The following KCNB2 variants were observed in gnomAD, a reference collection of about 807,000 sequenced individuals.
KCNB2 encodes potassium voltage-gated channel subfamily B member 2, also known as delayed rectifier potassium channel protein.
KCNB2 carries 15 observed loss-of-function variants against 61.5 expected under a neutral mutation model. The observed-to-expected ratio is 0.24, with a 90% CI of 0.16 to 0.38. The LOEUF is 0.38. KCNB2 is among the 10% of genes least tolerant of loss of function. The pLI is 1.00. For missense variants in KCNB2, 828 were observed against 1,125.2 expected, an observed-to-expected ratio of 0.74 and a Z score of 3.78; for synonymous variants, 457 against 446.0, an observed-to-expected ratio of 1.02 and a Z score of -0.31.
chr8:72,646,383 T>C (rs1052950734), intron 2 of KCNB2, among the ~76,000 whole-genome samples: 2 of 152,122 alleles, frequency 1.3e-5, no homozygotes, highest in African/African-American at 4.8e-5. Context: ...GTGAATATAG[T>C]GATTGTCCCT....
intron 2 of KCNB2, among the ~76,000 whole-genome samples, chr8:72,836,855 A>T (rs756120156): frequency 2.0e-5 from 3 of 152,158 alleles, no homozygotes; most frequent in Non-Finnish European, 2.9e-5. Flanking sequence ...AACTGCAATG[A>T]GCCATGTTTG....
intron 2 of KCNB2, among the ~76,000 whole-genome samples, chr8:72,769,581 G>A (rs139487694): frequency 6.1e-4 from 93 of 152,298 alleles, no homozygotes; most frequent in African/African-American, 2.1e-3. Flanking sequence ...GGAATGGAGG[G>A]AAGCGACCCT....
chr8:72,613,188 C>T (rs1019689322), intron 2 of KCNB2, among the ~76,000 whole-genome samples: 5 of 152,022 alleles, frequency 3.3e-5, no homozygotes, highest in Non-Finnish European at 7.4e-5. Context: ...GAAAGATAAA[C>T]TGAAAATAAA....
Position 72,562,164 on chromosome 8 carries a change from A to G in KCNB2, c.-93-5478A>G, listed in dbSNP as rs191056450. 2.9e-3 allele frequency among the ~76,000 whole-genome samples: 435 copies of G among 152,194 alleles called. 1 individual carries two copies. Among genetic ancestry groups the G allele is most frequent in the Middle Eastern group, 0.01 (3 of 294 alleles). Reference sequence around the variant, plus strand: ...GTTAAACATCACTTACAACTTTAGAAAGGTTTGCTTTTTATCTTCACAGGA... The same window carrying G: ...GTTAAACATCACTTACAACTTTAGAGAGGTTTGCTTTTTATCTTCACAGGA... On this transcript the variant is annotated intron_variant, in intron 1 of 2. Coordinates refer to ENST00000523207, the MANE Select transcript of KCNB2 (RefSeq NM_004770.3).
chr8:72,633,130 C>T lies in KCNB2; in HGVS notation c.579+64817C>T, dbSNP rs531299675. On this transcript the variant is annotated intron_variant, in intron 2 of 2. Transcript: ENST00000523207. ...AAGCTCTGCAAAGATCCTGCTTTCA[C>T]GCTCTTTCAGGTTATTGGCGGAAAG... is the stretch of plus-strand genomic sequence containing the variant. Among the ~76,000 whole-genome samples the T allele has an allele frequency of 2.6e-5, 4 of 152,256 alleles. 1 individual carries two copies. The highest frequency in any genetic ancestry group is 6.5e-5 in the Admixed American group (1 of 15,296).
intron 2 of KCNB2, among the ~76,000 whole-genome samples, chr8:72,759,081 G>A (rs1808337423): frequency 6.6e-6 from 1 of 152,084 alleles, no homozygotes; most frequent in African/African-American, 2.4e-5. Flanking sequence ...GTTATGTTGG[G>A]GCCACGGGGA....
chr8:72,908,826 A>T (rs954496207), intron 2 of KCNB2, among the ~76,000 whole-genome samples: 1 of 152,198 alleles, frequency 6.6e-6, no homozygotes, highest in African/African-American at 2.4e-5. Context: ...CTTCCCATAG[A>T]GTGGGGCCTG....
chr8:72,924,292 G>T (rs1288474703), intron 2 of KCNB2, among the ~76,000 whole-genome samples: 1 of 152,090 alleles, frequency 6.6e-6, no homozygotes, highest in Non-Finnish European at 1.5e-5. Flanking sequence ...CATAGCCCAT[G>T]AGAATCCACT....
At position 72,753,576 on chromosome 8, in the gene KCNB2, C is replaced by T. The variant is rs116263664; in HGVS notation, c.580-182359C>T. On this transcript the variant is annotated intron_variant, in intron 2 of 2. Coordinates refer to ENST00000523207, the MANE Select transcript of KCNB2 (RefSeq NM_004770.3). ...AACCAATTGAGTAGCTTGTCAGTAG[C>T]GAACAGCTTTTATTTGACCCTCATA... Among the ~76,000 whole-genome samples, 1,065 of 152,218 alleles carry T rather than the reference C, an allele frequency of 7.0e-3. 14 individuals carry two copies. Among genetic ancestry groups the T allele is most frequent in the African/African-American group, 0.024 (984 of 41,540 alleles).
chr8:72,658,599 T>C (rs1585811989), intron 2 of KCNB2, among the ~76,000 whole-genome samples: 1 of 152,262 alleles, frequency 6.6e-6, no homozygotes. Context: ...TGGCCTTCTG[T>C]TGGAAGAAAA....
chr8:72,587,131 G>A (rs1807012944), intron 2 of KCNB2, among the ~76,000 whole-genome samples: 1 of 152,148 alleles, frequency 6.6e-6, no homozygotes, highest in Non-Finnish European at 1.5e-5. Context: ...ACTGGATAGT[G>A]CAGAAATAAC....
intron 2 of KCNB2, among the ~76,000 whole-genome samples, chr8:72,781,198 G>T (rs990666166): frequency 6.6e-6 from 1 of 152,100 alleles, no homozygotes; most frequent in Non-Finnish European, 1.5e-5. Context: ...TTCTTTTGCT[G>T]TGCAGGAGCT....
chr8:72,662,871 A>T (rs889739078), intron 2 of KCNB2, among the ~76,000 whole-genome samples: 23 of 152,186 alleles, frequency 1.5e-4, no homozygotes, highest in Non-Finnish European at 3.1e-4. Flanking sequence ...GTGCAATTCA[A>T]CTATGAGCAA....
chr8:72,718,651 C>T (rs1311124409), intron 2 of KCNB2, among the ~76,000 whole-genome samples: 2 of 131,226 alleles, frequency 1.5e-5, no homozygotes, highest in African/African-American at 5.9e-5. Flanking sequence ...ACATCACACA[C>T]CAGGGATGGT....
intron 2 of KCNB2, among the ~76,000 whole-genome samples, chr8:72,782,520 A>G (rs1289004372): frequency 5.9e-5 from 9 of 152,232 alleles, no homozygotes; most frequent in Admixed American, 6.5e-5. Flanking sequence ...GTTTGACACA[A>G]CAACAGTGTT....
intron 2 of KCNB2, among the ~76,000 whole-genome samples, chr8:72,794,916 CTAATAGAGAAGTAACCACTGGAAAAAA>C (rs1809006578): frequency 6.6e-6 from 1 of 151,610 alleles, no homozygotes; most frequent in Non-Finnish European, 1.5e-5. Context: ...TGCTGAGGGT[CTAATAGAGAAGTAACCACTGGAAAAAA>C]AAAGTTGTGT....
intron 2 of KCNB2, among the ~76,000 whole-genome samples, chr8:72,759,271 C>G (rs183898937): frequency 6.6e-6 from 1 of 152,070 alleles, no homozygotes; most frequent in South Asian, 2.1e-4. Context: ...TAATAAAATA[C>G]GGAAAATGAA....
chr8:72,631,779 T>A (rs1434718426), intron 2 of KCNB2, among the ~76,000 whole-genome samples: 1 of 152,226 alleles, frequency 6.6e-6, no homozygotes, highest in Non-Finnish European at 1.5e-5. Flanking sequence ...CAGGTATTCC[T>A]ACTGAGTTGA....
intron 2 of KCNB2, among the ~76,000 whole-genome samples, chr8:72,603,227 G>T (rs530550365): frequency 6.6e-6 from 1 of 152,086 alleles, no homozygotes; most frequent in Non-Finnish European, 1.5e-5. Context: ...AATAGCCTTA[G>T]CCTGGCACAC....
Sources: gnomAD v4.1 joint callset for allele counts (sites outside exome capture counted in the v4.1 genomes callset) on GRCh38, gnomAD v4.1.1 for gene constraint, MANE v1.5 for transcripts, NCBI Gene and HGNC (gene_info 2026-07-23, HGNC 2026-07-21) for gene names.